The following ACTR3B variants were observed in gnomAD, a reference collection of about 807,000 sequenced individuals.
ACTR3B encodes actin-related protein 3B.
A neutral mutation model predicts 59.0 loss-of-function variants in ACTR3B; 8 were observed. The ratio of observed to expected loss-of-function variants is 0.14; its 90% CI spans 0.08 to 0.24. ACTR3B has a LOEUF of 0.24. Among genes scored for constraint, ACTR3B ranks in the 10% least tolerant of loss-of-function variants. The pLI is 1.00. For synonymous variants in ACTR3B, 148 were observed against 197.9 expected, an observed-to-expected ratio of 0.75 and a Z score of 2.12; for missense variants, 245 against 552.3, an observed-to-expected ratio of 0.44 and a Z score of 5.58.
At chr7:152,845,957 GAATGC>G (rs1798236170) in intron 9 of ACTR3B, among the ~76,000 whole-genome samples, 1 of 152,226 alleles carries the variant, frequency 6.6e-6, no homozygotes. Flanking sequence ...AATCTGAAAT[GAATGC>G]ATTTAAAACA....
At chr7:152,798,494 C>T (rs866080163) in intron 2 of ACTR3B, among the ~76,000 whole-genome samples, 44 of 152,024 alleles carry the variant, frequency 2.9e-4, no homozygotes, top group African/African-American at 9.2e-4. Context: ...CTCTTCACTC[C>T]GTTGATTGTT....
intron 7 of ACTR3B, among the ~76,000 whole-genome samples, chr7:152,820,809 C>T (rs59626839): frequency 0.14 from 21,227 of 151,912 alleles, 1,576 homozygotes; most frequent in African/African-American, 0.28. Flanking sequence ...CAGAACACTG[C>T]CACCCTAGGA....
chr7:152,845,463 G>T (rs969472706), intron 9 of ACTR3B, among the ~76,000 whole-genome samples: 1 of 152,242 alleles, frequency 6.6e-6, no homozygotes, highest in African/African-American at 2.4e-5. Flanking sequence ...CGCTGATGGT[G>T]CCCATGCAGA....
At chr7:152,833,879 G>T (rs1302395911) in intron 9 of ACTR3B, among the ~76,000 whole-genome samples, 2 of 152,042 alleles carry the variant, frequency 1.3e-5, no homozygotes, top group Non-Finnish European at 2.9e-5. Flanking sequence ...ATCCGGCAAG[G>T]TAAGGTTGCG....
chr7:152,811,138 T>C (rs1795202626), intron 4 of ACTR3B: 1 of 148,574 alleles, frequency 6.7e-6, no homozygotes. Flanking sequence ...TACTTTGTTT[T>C]AGTTGGGTCT....
chr7:152,853,710 T>G, intron 11 of ACTR3B, 133 bp downstream of exon 11: 2 of 755,280 alleles, frequency 2.6e-6, no homozygotes, highest in Middle Eastern at 5.5e-4. Flanking sequence ...CTGTAAGATA[T>G]AAATTATATC....
chr7:152,844,916 A>G (rs1563153889), intron 9 of ACTR3B, among the ~76,000 whole-genome samples: 3 of 146,656 alleles, frequency 2.0e-5, no homozygotes, highest in African/African-American at 5.1e-5. Context: ...AAAAGCCTGT[A>G]ATGCTACCAG....
chr7:152,761,523 C>T (rs1452801986), intron 1 of ACTR3B, among the ~76,000 whole-genome samples: 1 of 152,042 alleles, frequency 6.6e-6, no homozygotes, highest in Non-Finnish European at 1.5e-5. Context: ...CTATAAATAC[C>T]TAAAATGTCG....
chr7:152,811,347 A>G (rs1452906249), intron 4 of ACTR3B: 28 of 148,236 alleles, frequency 1.9e-4, no homozygotes, highest in African/African-American at 7.0e-4. Flanking sequence ...TGGGGTACTA[A>G]TTACCTGCAC....
Position 152,759,861 on chromosome 7 carries a change from C to T in ACTR3B, c.-22C>T, listed in dbSNP as rs1245025843. The T allele has an allele frequency of 1.2e-5, 16 of 1,292,980 alleles. No individual in the cohort carries two copies. The highest frequency in any genetic ancestry group is 1.5e-5 in the African/African-American group (1 of 65,438). 80.1% of individuals were successfully genotyped at this position (1,292,980 alleles called of 1,614,324 possible). A position where few individuals can be genotyped will look rare whatever the true frequency, so the allele number is the denominator to read the frequency against. ...GGGCGCTCTCGGGCTGCCGGCGGGG[C>T]CGAGCGCCGCGCGTCCCGAGCATGG... On this transcript the variant is annotated 5_prime_UTR_variant, in exon 1 of 12. Coordinates refer to ENST00000256001, the MANE Select transcript of ACTR3B (RefSeq NM_020445.6).
chr7:152,830,883 A>C (rs1796973381), intron 9 of ACTR3B, among the ~76,000 whole-genome samples: 1 of 152,198 alleles, frequency 6.6e-6, no homozygotes, highest in Admixed American at 6.5e-5. Context: ...AGTATGTTTA[A>C]ATACCTTAAT....
At chr7:152,832,570 G>C (rs1479469617) in intron 9 of ACTR3B, among the ~76,000 whole-genome samples, 5 of 152,096 alleles carry the variant, frequency 3.3e-5, no homozygotes, top group Non-Finnish European at 5.9e-5. Flanking sequence ...TAAGAGATGG[G>C]GTCTTGCTGT....
chr7:152,852,521 C>A (rs988046124), intron 10 of ACTR3B, among the ~76,000 whole-genome samples: 2 of 152,094 alleles, frequency 1.3e-5, no homozygotes, highest in Non-Finnish European at 2.9e-5. Flanking sequence ...CCTTTTGTGT[C>A]GTAAGAGATC....
chr7:152,793,674 C>T (rs899290772), intron 2 of ACTR3B, among the ~76,000 whole-genome samples: 7 of 132,470 alleles, frequency 5.3e-5, no homozygotes, highest in Admixed American at 1.5e-4. Flanking sequence ...TGTGTTATCT[C>T]GGTGGCATTG....
chr7:152,788,978 C>T (rs1306484085), intron 2 of ACTR3B, among the ~76,000 whole-genome samples: 4 of 152,264 alleles, frequency 2.6e-5, no homozygotes, highest in East Asian at 3.9e-4. Context: ...GCTGAGATTG[C>T]GTCACCGCAC....
At chr7:152,781,807 A>G (rs1466916334) in intron 1 of ACTR3B, among the ~76,000 whole-genome samples, 2 of 152,098 alleles carry the variant, frequency 1.3e-5, no homozygotes, top group Non-Finnish European at 1.5e-5. Flanking sequence ...TCTACCTTGT[A>G]GGTGGAACCC....
At chr7:152,788,131 A>G (rs2116651136) in intron 2 of ACTR3B, among the ~76,000 whole-genome samples, 1 of 125,010 alleles carries the variant, frequency 8.0e-6, no homozygotes, top group Non-Finnish European at 1.6e-5. Flanking sequence ...TAATTTTTGT[A>G]TTTTTAGTAG....
chr7:152,804,266 G>A (rs2098245527), intron 4 of ACTR3B, among the ~76,000 whole-genome samples: 1 of 152,188 alleles, frequency 6.6e-6, no homozygotes, highest in Non-Finnish European at 1.5e-5. Flanking sequence ...GCTCTTGAGT[G>A]GAAACTGAAT....
intron 2 of ACTR3B, among the ~76,000 whole-genome samples, chr7:152,786,924 C>T (rs2098176647): frequency 1.3e-5 from 2 of 152,184 alleles, no homozygotes; most frequent in African/African-American, 2.4e-5. Flanking sequence ...AGAATTCTAA[C>T]GTGAATATAC....
Sources: gnomAD v4.1 joint callset for allele counts (sites outside exome capture counted in the v4.1 genomes callset) on GRCh38, gnomAD v4.1.1 for gene constraint, MANE v1.5 for transcripts, NCBI Gene and HGNC (gene_info 2026-07-23, HGNC 2026-07-21) for gene names.